The following HECW1 variants were observed in gnomAD, a reference collection of about 807,000 sequenced individuals.
HECW1 encodes HECT, C2 and WW domain containing E3 ubiquitin protein ligase 1.
HECW1 carries 61 observed loss-of-function variants against 182.3 expected under a neutral mutation model. That is an observed-to-expected ratio of 0.33 (90% CI 0.27 to 0.41). The LOEUF is 0.41. Ranked by LOEUF, HECW1 falls within the 10% of genes least tolerant of loss-of-function variation. The probability of loss-of-function intolerance (pLI) is 1.00; values close to 1 mark genes in which losing one functional copy is unlikely to be tolerated. For missense variants in HECW1, 1,739 were observed against 2,108.9 expected (o/e 0.82, Z 3.44); for synonymous variants, 859 against 832.6 (o/e 1.03, Z -0.55).
At chr7:43,155,075 A>G (rs555300926) in intron 2 of HECW1, among the ~76,000 whole-genome samples, 1 of 152,320 alleles carries the variant, frequency 6.6e-6, no homozygotes, top group South Asian at 2.1e-4. Context: ...CAAGTCATGG[A>G]GTAAATTCAT....
chr7:43,221,455 T>C (rs907898971), intron 2 of HECW1, among the ~76,000 whole-genome samples: 1 of 151,434 alleles, frequency 6.6e-6, no homozygotes, highest in Non-Finnish European at 1.5e-5. Flanking sequence ...TAAATCTCCT[T>C]ATCTCTTAAA....
intron 2 of HECW1, among the ~76,000 whole-genome samples, chr7:43,184,613 C>A (rs1318898563): frequency 1.3e-5 from 2 of 152,096 alleles, no homozygotes; most frequent in Non-Finnish European, 2.9e-5. Flanking sequence ...TTCAGCATTA[C>A]CCCTCAACTT....
intron 5 of HECW1, among the ~76,000 whole-genome samples, chr7:43,328,656 C>A (rs1811093631): frequency 6.6e-6 from 1 of 152,204 alleles, no homozygotes; most frequent in Non-Finnish European, 1.5e-5. Context: ...AGGTCTCAGT[C>A]CCTCAGATTA....
rs867368049 is a variant in HECW1 at position 43,432,030 on chromosome 7, A to G, written c.802-5973A>G. 1.3e-4 allele frequency among the ~76,000 whole-genome samples: 19 copies of G among 151,874 alleles called. No homozygotes were observed. Among genetic ancestry groups the G allele is most frequent in the Middle Eastern group, 6.9e-3 (2 of 290 alleles). On this transcript the variant is annotated intron_variant, in intron 8 of 29. Transcript: ENST00000395891. This position sits in a 1 kb window ranked among gnomAD's most constrained non-coding sequence, Gnocchi z 4.1. ...TTTTAGTAGAGATGGGGGTTTCACC[A>G]TCTTGGCCAGGCTTGTCTTGAACTC...
At chr7:43,349,031 T>C (rs539608652) in intron 5 of HECW1, among the ~76,000 whole-genome samples, 12 of 135,866 alleles carry the variant, frequency 8.8e-5, no homozygotes, top group African/African-American at 3.9e-4. Flanking sequence ...TTTGTTTTTG[T>C]TTTGTTTTGT....
At chr7:43,135,993 T>TTA (rs58755780) in intron 2 of HECW1, among the ~76,000 whole-genome samples, 3 of 151,494 alleles carry the variant, frequency 2.0e-5, no homozygotes, top group Non-Finnish European at 4.4e-5. Flanking sequence ...TTTTTTTTTT[T>TTA]ACTATTTGCT....
At position 43,158,681 on chromosome 7, in the gene HECW1, C is replaced by G. The variant is rs951356674; in HGVS notation, c.-32+44290C>G. Among the ~76,000 whole-genome samples the G allele has an allele frequency of 2.6e-5, 4 of 152,212 alleles. No individual in the cohort carries two copies. In the South Asian group the frequency reaches 6.2e-4, roughly 24 times the overall value. The stretch of plus-strand genomic sequence containing the variant: ...ACCCCTCCAATCCCATCCCCTCCCC[C>G]TTTCCATCTTGCCTGCTCCATCAGG... On this transcript the variant is annotated intron_variant, in intron 2 of 29. Transcript: ENST00000395891.
chr7:43,549,141 A>G (rs11770778), intron 26 of HECW1, among the ~76,000 whole-genome samples: 20,768 of 152,178 alleles, frequency 0.14, 1,614 homozygotes, highest in East Asian at 0.29. Flanking sequence ...GCCTCCTGAC[A>G]GTGCCATACA....
intron 5 of HECW1, among the ~76,000 whole-genome samples, chr7:43,355,596 T>G (rs7802542): frequency 3.3e-5 from 5 of 151,886 alleles, no homozygotes. Context: ...AAACCTATAA[T>G]AGATTCACTA....
intron 2 of HECW1, among the ~76,000 whole-genome samples, chr7:43,141,213 C>G (rs1237247372): frequency 2.0e-5 from 3 of 152,164 alleles, no homozygotes; most frequent in Admixed American, 2.0e-4. Flanking sequence ...CTATAACATT[C>G]TTTGCTTGAA....
intron 17 of HECW1, chr7:43,484,074 C>G (rs2078538292): frequency 6.6e-6 from 1 of 152,294 alleles, no homozygotes; most frequent in African/African-American, 2.4e-5. Flanking sequence ...AGTCTGCAGA[C>G]AGGCGTTCCA....
At chr7:43,434,042 T>TA (rs5883866) in intron 8 of HECW1, among the ~76,000 whole-genome samples, 8,470 of 151,128 alleles carry the variant, frequency 0.056, 323 homozygotes, top group East Asian at 0.11. Context: ...TCCTTTTTTT[T>TA]AAAAAAAAAC....
intron 24 of HECW1, among the ~76,000 whole-genome samples, chr7:43,519,157 C>T (rs1331545003): frequency 6.6e-6 from 1 of 152,116 alleles, no homozygotes; most frequent in African/African-American, 2.4e-5. Flanking sequence ...AATGAGGAAA[C>T]TCATACCCAT....
chr7:43,204,168 A>C (rs1583956172), intron 2 of HECW1, among the ~76,000 whole-genome samples: 1 of 152,240 alleles, frequency 6.6e-6, no homozygotes, highest in Non-Finnish European at 1.5e-5. Context: ...AGTAGATGTC[A>C]AAGCAGCTAA....
At chr7:43,136,866 G>A (rs1787596597) in intron 2 of HECW1, among the ~76,000 whole-genome samples, 1 of 152,104 alleles carries the variant, frequency 6.6e-6, no homozygotes, top group African/African-American at 2.4e-5. Context: ...AGCCCAGGAT[G>A]TTCCCAACCT....
At chr7:43,361,815 CT>C (rs397890047) in intron 6 of HECW1, among the ~76,000 whole-genome samples, 8,797 of 77,832 alleles carry the variant, frequency 0.11, 919 homozygotes, top group African/African-American at 0.26. Flanking sequence ...AAGACTCTCT[CT>C]TTTTTTTTTT....
At chr7:43,207,713 ATG>A (rs1160599793) in intron 2 of HECW1, 1 of 152,134 alleles carries the variant, frequency 6.6e-6, no homozygotes, top group Non-Finnish European at 1.5e-5. Flanking sequence ...CCAGGTATGA[ATG>A]AGAACATATG....
At chr7:43,161,038 T>A (rs1349650318) in intron 2 of HECW1, among the ~76,000 whole-genome samples, 1 of 152,064 alleles carries the variant, frequency 6.6e-6, no homozygotes, top group East Asian at 1.9e-4. Flanking sequence ...CCTGGGTGTG[T>A]GAGTCCCCTG....
At chr7:43,511,172 C>T (rs756961127) in intron 24 of HECW1, 1 of 152,324 alleles carries the variant, frequency 6.6e-6, no homozygotes, top group Non-Finnish European at 1.5e-5. Flanking sequence ...GCAGGTTAAC[C>T]GCTGTGTCCT....
Sources: gnomAD v4.1 joint callset for allele counts (sites outside exome capture counted in the v4.1 genomes callset) on GRCh38, gnomAD v4.1.1 for gene constraint, Gnocchi (gnomAD v3.1) non-coding constraint, MANE v1.5 for transcripts, NCBI Gene and HGNC (gene_info 2026-07-23, HGNC 2026-07-21) for gene names.